SNTG1: variants seen among roughly 807,000 people sequenced by gnomAD.
SNTG1 encodes the protein syntrophin gamma 1.
A neutral mutation model predicts 74.7 loss-of-function variants in SNTG1; 39 were observed. That is an observed-to-expected ratio of 0.52 (90% CI 0.40 to 0.68). The LOEUF is 0.68. Among genes scored for constraint, SNTG1 ranks in the 30% least tolerant of loss-of-function variants. The pLI, the probability that SNTG1 is intolerant of heterozygous loss-of-function variation, is 0.00. For missense variants in SNTG1, 685 were observed against 609.5 expected, an observed-to-expected ratio of 1.12 and a Z score of -1.30; for synonymous variants, 254 against 217.1, an observed-to-expected ratio of 1.17 and a Z score of -1.49.
At chr8:50,061,303 A>G (rs1329374865) in intron 1 of SNTG1, among the ~76,000 whole-genome samples, 1 of 151,926 alleles carries the variant, frequency 6.6e-6, no homozygotes, top group Admixed American at 6.6e-5. Flanking sequence ...CGAACTTCTG[A>G]ACATAAAGTT....
intron 15 of SNTG1, among the ~76,000 whole-genome samples, chr8:50,680,160 G>T (rs1262625550): frequency 6.6e-6 from 1 of 152,166 alleles, no homozygotes; most frequent in Non-Finnish European, 1.5e-5. Flanking sequence ...TGCTTATGTT[G>T]TATGTCAGTG....
At chr8:50,386,080 C>T (rs887084892) in intron 2 of SNTG1, among the ~76,000 whole-genome samples, 13 of 152,148 alleles carry the variant, frequency 8.5e-5, no homozygotes, top group Non-Finnish European at 1.8e-4. Context: ...TCCATTTGGC[C>T]TTTCCCATAG....
intron 2 of SNTG1, among the ~76,000 whole-genome samples, chr8:50,251,184 A>T (rs2086631093): frequency 6.6e-6 from 1 of 152,066 alleles, no homozygotes; most frequent in Non-Finnish European, 1.5e-5. Context: ...TTTCATGTTA[A>T]CCTTATGGTA....
intron 2 of SNTG1, among the ~76,000 whole-genome samples, chr8:50,211,038 A>C (rs937134720): frequency 6.6e-6 from 1 of 152,138 alleles, no homozygotes; most frequent in Non-Finnish European, 1.5e-5. Context: ...ATATTTTAGA[A>C]TCCATGTTGT....
At chr8:50,667,353 T>C (rs1563717450) in intron 15 of SNTG1, among the ~76,000 whole-genome samples, 1 of 152,094 alleles carries the variant, frequency 6.6e-6, no homozygotes, top group African/African-American at 2.4e-5. Flanking sequence ...TTTCTGTTGC[T>C]ATAACTGAAT....
chr8:50,302,917 T>C (rs2089716056), intron 2 of SNTG1, among the ~76,000 whole-genome samples: 1 of 152,198 alleles, frequency 6.6e-6, no homozygotes, highest in South Asian at 2.1e-4. Flanking sequence ...TGTCCAGTTT[T>C]ATCATTGCTG....
At chr8:50,097,722 A>T (rs1729756627) in intron 1 of SNTG1, among the ~76,000 whole-genome samples, 2 of 152,274 alleles carry the variant, frequency 1.3e-5, no homozygotes, top group African/African-American at 4.8e-5. Flanking sequence ...CTTTAAGATT[A>T]TGAAGAAAAT....
chr8:50,669,238 T>G (rs28830520), intron 15 of SNTG1, among the ~76,000 whole-genome samples: 6,698 of 150,536 alleles, frequency 0.044, 395 homozygotes, highest in African/African-American at 0.12. Context: ...CTTCAAAGAA[T>G]TAGTGAATCC....
intron 1 of SNTG1, among the ~76,000 whole-genome samples, chr8:50,075,875 G>A (rs2131038179): frequency 6.6e-6 from 1 of 152,098 alleles, no homozygotes; most frequent in African/African-American, 2.4e-5. Context: ...CCACCAGAAG[G>A]AAGAAACTCC....
intron 15 of SNTG1, among the ~76,000 whole-genome samples, chr8:50,678,695 CAT>C (rs1462380482): frequency 6.6e-6 from 1 of 152,036 alleles, no homozygotes; most frequent in Non-Finnish European, 1.5e-5. Flanking sequence ...CCTATTAACT[CAT>C]ATTTATGTAA....
chr8:50,659,065 A>T (rs1429113882), intron 15 of SNTG1, among the ~76,000 whole-genome samples: 1 of 152,174 alleles, frequency 6.6e-6, no homozygotes, highest in Non-Finnish European at 1.5e-5. Flanking sequence ...GAGACCTGGA[A>T]TTAGAAAATA....
intron 1 of SNTG1, among the ~76,000 whole-genome samples, chr8:50,066,155 C>T (rs558761594): frequency 6.6e-6 from 1 of 151,858 alleles, no homozygotes; most frequent in South Asian, 2.1e-4. Context: ...GCGGAGGTTG[C>T]GGTGAGCTCA....
At chr8:50,703,826 C>A (rs1422589456) in intron 15 of SNTG1, among the ~76,000 whole-genome samples, 14 of 152,064 alleles carry the variant, frequency 9.2e-5, no homozygotes, top group East Asian at 1.9e-4. Context: ...TCCCTTATAA[C>A]CTTATAGGAT....
rs1174372048 is a variant in SNTG1 at position 50,793,278 on chromosome 8, T to C, written c.*449T>C. ...TGTATTATGAGGGACATAAAAGAGT[T>C]AAAAACCATAAATCAGCAAGGAGCA... On this transcript the variant is annotated 3_prime_UTR_variant, in exon 19 of 19. Coordinates refer to ENST00000642720, the MANE Select transcript of SNTG1 (RefSeq NM_018967.5). 6.6e-6 allele frequency: 1 copy of C among 152,198 alleles called. No individual in the cohort carries two copies. The highest frequency in any genetic ancestry group is 1.5e-5 in the Non-Finnish European group (1 of 68,090). 9.4% of individuals were successfully genotyped at this position (152,198 alleles called of 1,614,324 possible).
chr8:50,209,730 C>G (rs145612719), intron 2 of SNTG1, among the ~76,000 whole-genome samples: 5,792 of 152,224 alleles, frequency 0.038, 369 homozygotes, highest in African/African-American at 0.13. Context: ...ACGTCACCAT[C>G]ATCAAAGACC....
chr8:50,238,272 T>C (rs890460034), intron 2 of SNTG1, among the ~76,000 whole-genome samples: 1 of 152,110 alleles, frequency 6.6e-6, no homozygotes, highest in Admixed American at 6.6e-5. Flanking sequence ...CAAAATAACA[T>C]GGTACTGATA....
At chr8:50,557,967 T>C (rs1273148987) in intron 12 of SNTG1, among the ~76,000 whole-genome samples, 1 of 152,132 alleles carries the variant, frequency 6.6e-6, no homozygotes, top group African/African-American at 2.4e-5. Flanking sequence ...GGATATCGCC[T>C]CCTTCCCTTC....
chr8:50,370,021 C>T (rs1382366414), intron 2 of SNTG1, among the ~76,000 whole-genome samples: 1 of 152,110 alleles, frequency 6.6e-6, no homozygotes, highest in East Asian at 1.9e-4. Flanking sequence ...CACCATTGGA[C>T]ACTCCTAATC....
Position 50,536,674 on chromosome 8 carries a change from T to C in SNTG1, c.550-4T>C. The C allele has an allele frequency of 6.2e-7, 1 of 1,613,038 alleles. No homozygotes were observed. Among genetic ancestry groups the C allele is most frequent in the Non-Finnish European group, 8.5e-7 (1 of 1,179,488 alleles). On this transcript the variant is annotated splice_polypyrimidine_tract_variant and splice_region_variant and intron_variant, in intron 10 of 18. Transcript: ENST00000642720. ...ATTACGTTGAATATTTATCTTCCTT[T>C]CAGGACACATTATCATGCTCGTCGT...
Sources: allele counts gnomAD v4.1 joint callset (sites outside exome capture counted in the v4.1 genomes callset), GRCh38; gene constraint gnomAD v4.1.1; transcripts MANE v1.5; gene names NCBI Gene and HGNC (gene_info 2026-07-23, HGNC 2026-07-21).